The following PI4K2B variants were observed in gnomAD, a reference collection of about 807,000 sequenced individuals.
The protein encoded by PI4K2B is phosphatidylinositol 4-kinase type 2-beta.
Under a neutral mutation model 56.6 loss-of-function variants are expected in PI4K2B, and 46 were observed. That is an observed-to-expected ratio of 0.81 (90% CI 0.64 to 1.04). The LOEUF (loss-of-function observed/expected upper bound fraction) is 1.04. Among genes scored for constraint, PI4K2B ranks in the 50% least tolerant of loss-of-function variants. The probability of loss-of-function intolerance (pLI) is 0.00; values close to 1 mark genes in which losing one functional copy is unlikely to be tolerated. For synonymous variants in PI4K2B, 211 were observed against 223.8 expected (o/e 0.94, Z 0.51); for missense variants, 556 against 607.7 (o/e 0.91, Z 0.89).
At chr4:25,272,074 G>T (rs576899123) in intron 9 of PI4K2B, among the ~76,000 whole-genome samples, 1 of 151,826 alleles carries the variant, frequency 6.6e-6, no homozygotes, top group African/African-American at 2.4e-5. Context: ...CCCCAGAGGT[G>T]GGGGAGACTG....
At chr4:25,272,878 A>T (rs1449480104) in intron 9 of PI4K2B, among the ~76,000 whole-genome samples, 1 of 151,942 alleles carries the variant, frequency 6.6e-6, no homozygotes, top group Non-Finnish European at 1.5e-5. Flanking sequence ...AAAAAAAAAA[A>T]TTTACCTATA....
At chr4:25,252,786 T>C (rs1469192154) in intron 2 of PI4K2B, among the ~76,000 whole-genome samples, 2 of 152,152 alleles carry the variant, frequency 1.3e-5, no homozygotes, top group Non-Finnish European at 2.9e-5. Context: ...CTAATTTTTG[T>C]AATTATTTGT....
chr4:25,255,021 A>G (rs1212391092), intron 2 of PI4K2B, 44 bp from the exon 3 acceptor site: 4 of 1,258,958 alleles, frequency 3.2e-6, no homozygotes, highest in Non-Finnish European at 4.6e-6. Flanking sequence ...ATGATTATCT[A>G]TATATGTAAA....
At chr4:25,268,900 T>G (rs1476210354) in intron 8 of PI4K2B, among the ~76,000 whole-genome samples, 1 of 152,190 alleles carries the variant, frequency 6.6e-6, no homozygotes, top group Non-Finnish European at 1.5e-5. Flanking sequence ...AAGCCTAAAT[T>G]CATTGGCTGG....
intron 1 of PI4K2B, among the ~76,000 whole-genome samples, chr4:25,246,295 T>C (rs552518758): frequency 6.6e-6 from 1 of 152,172 alleles, no homozygotes; most frequent in East Asian, 1.9e-4. Context: ...TGCTGATTGG[T>C]CCATTTTACA....
At chr4:25,240,474 T>C (rs1380388307) in intron 1 of PI4K2B, among the ~76,000 whole-genome samples, 2 of 152,198 alleles carry the variant, frequency 1.3e-5, no homozygotes, top group Non-Finnish European at 2.9e-5. Flanking sequence ...TAGCCATTCC[T>C]AACCCTATAA....
Position 25,277,231 on chromosome 4 carries a change from T to G in PI4K2B, c.*44T>G, listed in dbSNP as rs1294168698. On this transcript the variant is annotated 3_prime_UTR_variant, in exon 10 of 10. Transcript: ENST00000264864. ...AAACAAACTGTTTAGAATTATCATG[T>G]TTTTAAAACATCATAGTAATATAAA... is the stretch of plus-strand genomic sequence containing the variant. The G allele has an allele frequency of 2.0e-6, 3 of 1,533,562 alleles. No individual in the cohort carries two copies. Among genetic ancestry groups the G allele is most frequent in the Non-Finnish European group, 2.7e-6 (3 of 1,128,600 alleles). 95.0% of individuals were successfully genotyped at this position (1,533,562 alleles called of 1,614,324 possible).
intron 7 of PI4K2B, chr4:25,267,668 T>C (rs1420523473): frequency 4.0e-6 from 2 of 495,660 alleles, no homozygotes; most frequent in Admixed American, 1.3e-4. Flanking sequence ...AACCTTACAC[T>C]CTTGCAGGAA....
At chr4:25,272,295 T>A (rs1716927858) in intron 9 of PI4K2B, among the ~76,000 whole-genome samples, 1 of 152,144 alleles carries the variant, frequency 6.6e-6, no homozygotes, top group Non-Finnish European at 1.5e-5. Flanking sequence ...AAAATGAATA[T>A]AATAAAATAT....
intron 5 of PI4K2B, among the ~76,000 whole-genome samples, chr4:25,260,021 A>G (rs1355448536): frequency 6.6e-6 from 1 of 152,234 alleles, no homozygotes; most frequent in African/African-American, 2.4e-5. Flanking sequence ...CTGAAGTTTG[A>G]GAACCACTGG....
chr4:25,240,863 C>G (rs1715487059), intron 1 of PI4K2B, among the ~76,000 whole-genome samples: 1 of 152,134 alleles, frequency 6.6e-6, no homozygotes, highest in Non-Finnish European at 1.5e-5. Flanking sequence ...GTTTCTTCCT[C>G]TCTCTGTCTC....
intron 6 of PI4K2B, among the ~76,000 whole-genome samples, chr4:25,263,037 A>G (rs1716535308): frequency 6.6e-6 from 1 of 152,206 alleles, no homozygotes; most frequent in African/African-American, 2.4e-5. Flanking sequence ...TGGCAGGAGA[A>G]TGAGTGTAGG....
At chr4:25,270,384 C>T (rs150582527) in intron 9 of PI4K2B, among the ~76,000 whole-genome samples, 2,432 of 151,178 alleles carry the variant, frequency 0.016, 29 homozygotes, top group Middle Eastern at 0.024. Flanking sequence ...CTTGCCCTGT[C>T]GCCCAGGCTG....
chr4:25,263,437 A>C (rs1716551431), intron 6 of PI4K2B, among the ~76,000 whole-genome samples: 1 of 152,198 alleles, frequency 6.6e-6, no homozygotes, highest in South Asian at 2.1e-4. Flanking sequence ...CAATGAATCT[A>C]GCAGTAAATT....
intron 4 of PI4K2B, among the ~76,000 whole-genome samples, chr4:25,257,262 A>G (rs947553788): frequency 6.6e-6 from 1 of 151,890 alleles, no homozygotes; most frequent in African/African-American, 2.4e-5. Context: ...GAGTCTCACC[A>G]TGTTGCCTAG....
rs758666296 is a variant in PI4K2B at position 25,260,510 on chromosome 4, G to A, written c.911-14G>A. ...TAGAAATGAAGTAACAGATTTTCTT[G>A]TTTGTTTTGAAAGACAGGGGCAATG... On this transcript the variant is annotated splice_polypyrimidine_tract_variant and intron_variant, in intron 5 of 9. Transcript: ENST00000264864. The A allele has an allele frequency of 1.5e-6, 2 of 1,314,940 alleles. No homozygotes were observed. Among genetic ancestry groups the A allele is most frequent in the East Asian group, 5.7e-5 (2 of 35,372 alleles). The allele number at this position is 1,314,940 out of a possible 1,614,324, so 81.5% of individuals were successfully genotyped here. A position where few individuals can be genotyped will look rare whatever the true frequency, so the allele number is the denominator to read the frequency against.
At chr4:25,257,105 T>G (rs1716289151) in intron 4 of PI4K2B, among the ~76,000 whole-genome samples, 1 of 151,586 alleles carries the variant, frequency 6.6e-6, no homozygotes, top group Admixed American at 6.6e-5. Context: ...TTGCCCCAGC[T>G]GGAGTACAGT....
Position 25,276,818 on chromosome 4 carries a change from CGCGTGTGTGTGT to C in PI4K2B, c.1273-192_1273-181del, listed in dbSNP as rs906079922. The C allele has an allele frequency of 3.0e-5, 23 of 767,982 alleles. No individual in the cohort carries two copies. The South Asian group carries it at 3.1e-4, about 10-fold the overall frequency. 47.6% of individuals were successfully genotyped at this position (767,982 alleles called of 1,614,324 possible). A position where few individuals can be genotyped will look rare whatever the true frequency, so the allele number is the denominator to read the frequency against. On this transcript the variant is annotated intron_variant, in intron 9 of 9. Transcript: ENST00000264864. The stretch of plus-strand genomic sequence containing the variant: ...TGCTAATTGTGTGTGTGTGTGTGTG[CGCGTGTGTGTGT>C]GCGCGTGTGTGTGTAAACATACATT...
chr4:25,240,403 G>T (rs937047287), intron 1 of PI4K2B, among the ~76,000 whole-genome samples: 7 of 152,188 alleles, frequency 4.6e-5, no homozygotes, highest in South Asian at 2.1e-4. Context: ...AAAATCCTTT[G>T]AGAGTGTGTG....
Sources: gnomAD v4.1 joint callset for allele counts (sites outside exome capture counted in the v4.1 genomes callset) on GRCh38, gnomAD v4.1.1 for gene constraint, MANE v1.5 for transcripts, NCBI Gene and HGNC (gene_info 2026-07-23, HGNC 2026-07-21) for gene names.